The following CARD6 variants were observed in gnomAD, a reference collection of about 807,000 sequenced individuals.
CARD6 encodes caspase recruitment domain-containing protein 6.
In CARD6, 27 loss-of-function variants were observed where a neutral mutation model predicts 23.6. That is an observed-to-expected ratio of 1.14 (90% CI 0.84 to 1.58). The LOEUF (loss-of-function observed/expected upper bound fraction) is 1.58. CARD6 is among the 40% of genes most tolerant of loss of function. The pLI, the probability that CARD6 is intolerant of heterozygous loss-of-function variation, is 0.00. For synonymous variants in CARD6, 397 were observed against 431.8 expected, an observed-to-expected ratio of 0.92 and a Z score of 1.00; for missense variants, 1,214 against 1,209.9, an observed-to-expected ratio of 1.00 and a Z score of -0.05.
intron 2 of CARD6, among the ~76,000 whole-genome samples, chr5:40,851,173 T>C (rs1746059082): frequency 6.6e-6 from 1 of 150,588 alleles, no homozygotes; most frequent in African/African-American, 2.4e-5. Context: ...TCTCTACAAA[T>C]ACAAAAATTA....
At chr5:40,844,291 T>C (rs1745930021) in intron 2 of CARD6, among the ~76,000 whole-genome samples, 1 of 152,206 alleles carries the variant, frequency 6.6e-6, no homozygotes, top group Admixed American at 6.5e-5. Flanking sequence ...TGGAGTGCAG[T>C]GGCACAATCA....
At chr5:40,850,632 G>C (rs1326175747) in intron 2 of CARD6, among the ~76,000 whole-genome samples, 3 of 134,954 alleles carry the variant, frequency 2.2e-5, no homozygotes, top group East Asian at 4.7e-4. Flanking sequence ...TGAGACAGGA[G>C]AATCACTTGA....
In CARD6 at chr5:40,853,631, C is replaced by T. The variant is rs1251214504; in HGVS notation, c.2299C>T (p.His767Tyr). ...GTCAGAGCAGAGGCCTAAGTGGTTC[C>T]ATCCTTTGCCTTTTCAGAATGCAGG... ...FGSEQRPKWF[H>Y]PLPFQNAGAQ... The change falls in exon 3 of 3, where the codon CAT (histidine) becomes TAT (tyrosine). Residue 767 changes from histidine to tyrosine, a missense_variant. Physicochemically the swap from His to Tyr is moderately conservative, Grantham distance 83. Coordinates refer to ENST00000254691, the MANE Select transcript of CARD6 (RefSeq NM_032587.4). The T allele has an allele frequency of 6.2e-7, 1 of 1,614,228 alleles. No individual in the cohort carries two copies. Among genetic ancestry groups the T allele is most frequent in the Non-Finnish European group, 8.5e-7 (1 of 1,180,048 alleles).
At chr5:40,846,303 G>A (rs994168574) in intron 2 of CARD6, among the ~76,000 whole-genome samples, 4 of 152,030 alleles carry the variant, frequency 2.6e-5, no homozygotes, top group South Asian at 2.1e-4. Context: ...ATGAGCCACC[G>A]CGCCTGGCCA....
chr5:40,848,577 A>G (rs113964813), intron 2 of CARD6, among the ~76,000 whole-genome samples: 6 of 152,276 alleles, frequency 3.9e-5, no homozygotes, highest in African/African-American at 1.2e-4. Flanking sequence ...TCCATTGAGT[A>G]TGAGTTACAT....
Position 40,853,914 on chromosome 5 carries a change from G to C in CARD6, c.2582G>C (p.Arg861Thr). 6.2e-7 allele frequency: 1 copy of C among 1,614,174 alleles called. No homozygotes were observed. The highest frequency in any genetic ancestry group is 8.5e-7 in the Non-Finnish European group (1 of 1,180,046). Reference sequence around the variant, plus strand: ...TATTCCCTGGATTCACAGCCAGCAAGAGCAGTAGGGAAGCCATGGCCTCAG... The same window carrying C: ...TATTCCCTGGATTCACAGCCAGCAACAGCAGTAGGGAAGCCATGGCCTCAG... ...HSYSLDSQPA[R>T]AVGKPWPQQA... The change falls in exon 3 of 3, where the codon AGA becomes ACA. Residue 861 changes from arginine to threonine, a missense_variant. Arg to Thr is a moderately conservative substitution (Grantham distance 71). Coordinates refer to ENST00000254691, the MANE Select transcript of CARD6 (RefSeq NM_032587.4).
intron 2 of CARD6, among the ~76,000 whole-genome samples, chr5:40,849,556 T>A (rs1002997194): frequency 8.9e-5 from 13 of 145,778 alleles, no homozygotes; most frequent in Non-Finnish European, 3.1e-5. Flanking sequence ...TTTTCTCTTA[T>A]TTCTGTTGTT....
Position 40,852,496 on chromosome 5 carries a change from C to A in CARD6, c.1164C>A (p.Ser388Arg). 6.2e-7 allele frequency: 1 copy of A among 1,614,196 alleles called. No homozygotes were observed. Among genetic ancestry groups the A allele is most frequent in the South Asian group, 1.1e-5 (1 of 91,078 alleles). ...GTGCCACCATGCTGTGTTCAGATAG[C>A]TCTTTGCAACGCCAAGTCATGTCAA... is the stretch of plus-strand genomic sequence containing the variant. ...VLCATMLCSD[S>R]SLQRQVMSNM... Residue 388 changes from serine to arginine, a missense_variant, in exon 3 of 3, where the codon AGC becomes AGA. Transcript: ENST00000254691.
intron 1 of CARD6, 94 bp from the exon 2 acceptor site, chr5:40,843,058 A>G: frequency 2.6e-6 from 2 of 781,240 alleles, no homozygotes; most frequent in Non-Finnish European, 4.1e-6. Flanking sequence ...ATAAATAAAT[A>G]AAAGGAGAGG....
intron 2 of CARD6, among the ~76,000 whole-genome samples, chr5:40,844,763 A>G (rs749413404): frequency 2.6e-5 from 4 of 152,076 alleles, no homozygotes; most frequent in Non-Finnish European, 5.9e-5. Flanking sequence ...ACAAAATACC[A>G]CAAAATCAGT....
chr5:40,844,111 T>C (rs2112168178), intron 2 of CARD6, among the ~76,000 whole-genome samples: 1 of 152,318 alleles, frequency 6.6e-6, no homozygotes, highest in Non-Finnish European at 1.5e-5. Flanking sequence ...GATTATGGGT[T>C]TGACTATTTA....
intron 2 of CARD6, among the ~76,000 whole-genome samples, chr5:40,846,236 C>G (rs1257048678): frequency 6.6e-6 from 1 of 152,052 alleles, no homozygotes; most frequent in African/African-American, 2.4e-5. Context: ...TGGTCTCGAA[C>G]TCTTGACCTC....
chr5:40,848,013 A>AT (rs1579802814), intron 2 of CARD6, among the ~76,000 whole-genome samples: 2 of 150,886 alleles, frequency 1.3e-5, no homozygotes, highest in South Asian at 4.2e-4. Flanking sequence ...TTTCTTTAAT[A>AT]TTTTTTCTCT....
At chr5:40,845,224 T>C (rs1745946665) in intron 2 of CARD6, among the ~76,000 whole-genome samples, 1 of 152,172 alleles carries the variant, frequency 6.6e-6, no homozygotes, top group Non-Finnish European at 1.5e-5. Context: ...CCTGGTGGTT[T>C]GCTGGAAATC....
In CARD6 at chr5:40,841,474, A is replaced by T. The variant is rs149379207; in HGVS notation, c.92A>T (p.Asp31Val). 1 of 1,613,890 alleles carries T rather than the reference A, an allele frequency of 6.2e-7. No individual in the cohort carries two copies. The highest frequency in any genetic ancestry group is 1.3e-5 in the African/African-American group (1 of 74,864). ...ILQHDPDSIL[D>V]TLTSRRLISE... ...CAACATGATCCTGATTCTATCTTAG[A>T]CACGTTAACTTCTCGGAGGCTGATT... The change falls in exon 1 of 3, where the codon GAC becomes GTC. Residue 31 changes from aspartate to valine, a missense_variant. Physicochemically the swap from Asp to Val is radical, Grantham distance 152 (BLOSUM62 -3). Transcript: ENST00000254691.
intron 2 of CARD6, among the ~76,000 whole-genome samples, chr5:40,846,001 T>G (rs1376064710): frequency 6.6e-6 from 1 of 151,876 alleles, no homozygotes. Context: ...GTTTTCAGAA[T>G]AGATGCAGTA....
intron 2 of CARD6, 43 bp downstream of exon 2, chr5:40,843,752 A>G (rs1745919877): frequency 7.5e-7 from 1 of 1,329,100 alleles, no homozygotes; most frequent in African/African-American, 1.5e-5. Context: ...ACAACTTAAT[A>G]AGTTAATAAG....
rs754736417 is a variant in CARD6, at chr5:40,853,603, TG to T, written c.2274del (p.Ser759GlnfsTer42). 37 of 1,614,118 alleles carry T rather than the reference TG, an allele frequency of 2.3e-5. No homozygotes were observed. Among genetic ancestry groups the T allele is most frequent in the Middle Eastern group, 3.3e-4 (2 of 6,084 alleles). ...CCTCCTGGGTTATGGGCCGCCCCTT[TG>T]GGTCAGAGCAGAGGCCTAAGTGGTT... The part of the protein sequence containing the change: ...KASWVMGRPF[G>X]SEQRPKWFHP... On this transcript the variant is annotated frameshift_variant, in exon 3 of 3. Coordinates refer to ENST00000254691, the MANE Select transcript of CARD6 (RefSeq NM_032587.4). LOFTEE classifies it low-confidence loss of function (END_TRUNC).
At chr5:40,850,948 T>C (rs988061884) in intron 2 of CARD6, among the ~76,000 whole-genome samples, 4 of 152,056 alleles carry the variant, frequency 2.6e-5, no homozygotes, top group Non-Finnish European at 5.9e-5. Context: ...TAGATCAGTA[T>C]ATATGCTGAC....
Sources: gnomAD v4.1 joint callset for allele counts (sites outside exome capture counted in the v4.1 genomes callset) on GRCh38, gnomAD v4.1.1 for gene constraint, MANE v1.5 for transcripts, NCBI Gene and HGNC (gene_info 2026-07-23, HGNC 2026-07-21) for gene names.